COL3A1: variants seen among roughly 807,000 people sequenced by gnomAD.
COL3A1 encodes the protein collagen alpha-1(III) chain.
COL3A1 carries 46 observed loss-of-function variants against 200.9 expected under a neutral mutation model. The ratio of observed to expected loss-of-function variants is 0.23; its 90% CI spans 0.18 to 0.29. The LOEUF (loss-of-function observed/expected upper bound fraction) is 0.29. Among genes scored for constraint, COL3A1 ranks in the 10% least tolerant of loss-of-function variants. The pLI is 1.00. For synonymous variants in COL3A1, 650 were observed against 628.0 expected, an observed-to-expected ratio of 1.03 and a Z score of -0.52; for missense variants, 1,367 against 1,917.6, an observed-to-expected ratio of 0.71 and a Z score of 5.36.
intron 28 of COL3A1, 48 bp from the exon 29 acceptor site, chr2:188,998,626 T>C: frequency 6.4e-7 from 1 of 1,571,864 alleles, no homozygotes; most frequent in Non-Finnish European, 8.8e-7. Flanking sequence ...TATATTTACA[T>C]AAAATGCACT....
intron 25 of COL3A1, 24 bp from the exon 26 acceptor site, chr2:188,997,312 T>A (rs1688350198): frequency 6.2e-7 from 1 of 1,613,508 alleles, no homozygotes. Context: ...TTATTTCTAC[T>A]TCCCTAACTG....
Position 188,985,924 on chromosome 2 carries a change from T to G in COL3A1, c.447+146T>G. 2 of 677,788 alleles carry G rather than the reference T, an allele frequency of 3.0e-6. 1 individual carries two copies. The highest frequency in any genetic ancestry group is 8.1e-4 in the Middle Eastern group (2 of 2,464). The allele number at this position is 677,788 out of a possible 1,614,324, so 42.0% of individuals were successfully genotyped here. On this transcript the variant is annotated intron_variant, in intron 4 of 50. Coordinates refer to ENST00000304636, the MANE Select transcript of COL3A1 (RefSeq NM_000090.4). ...ATTTAATAAATCCTTATTTAGTGCT[T>G]CTATGTATTAGGCACTATTCTAAGT...
chr2:188,990,633 T>G (rs1688168227), intron 10 of COL3A1, among the ~76,000 whole-genome samples: 1 of 152,202 alleles, frequency 6.6e-6, no homozygotes, highest in Non-Finnish European at 1.5e-5. Context: ...ATTATGTTTT[T>G]TATTGACTTA....
intron 1 of COL3A1, among the ~76,000 whole-genome samples, chr2:188,982,732 G>A (rs1298048183): frequency 6.6e-6 from 1 of 151,818 alleles, no homozygotes; most frequent in Admixed American, 6.6e-5. Context: ...ATCTTGGGCT[G>A]AAACTAATCT....
chr2:188,992,830 A>C, intron 14 of COL3A1, 57 bp from the exon 15 acceptor site: 4 of 1,333,964 alleles, frequency 3.0e-6, no homozygotes, highest in Non-Finnish European at 4.3e-6. Context: ...ATTTACTAGT[A>C]TGTCAGCTTT....
chr2:188,998,143 T>C (rs1250799349), intron 27 of COL3A1, 123 bp from the exon 28 acceptor site: 2 of 845,956 alleles, frequency 2.4e-6, no homozygotes, highest in Non-Finnish European at 3.9e-6. Flanking sequence ...GCACAACGTT[T>C]CTACCCCTAC....
At chr2:188,992,022 A>C (rs2153502150) in intron 13 of COL3A1, among the ~76,000 whole-genome samples, 162 bp from the exon 14 acceptor site, 2 of 152,324 alleles carry the variant, frequency 1.3e-5, no homozygotes, top group South Asian at 4.1e-4. Context: ...TGCTGTATAT[A>C]TCAGAATTGT....
At chr2:189,009,880 AATC>A (rs1350296270) in intron 48 of COL3A1, among the ~76,000 whole-genome samples, 1 of 152,208 alleles carries the variant, frequency 6.6e-6, no homozygotes, top group African/African-American at 2.4e-5. Flanking sequence ...TACATATAAT[AATC>A]ATCTTTTTTT....
rs1688269574 is a variant in COL3A1, at chr2:188,994,873, T to G, written c.1455+42T>G. The G allele has an allele frequency of 6.2e-7, 1 of 1,604,894 alleles. No homozygotes were observed. The highest frequency in any genetic ancestry group is 8.5e-7 in the Non-Finnish European group (1 of 1,172,866). On this transcript the variant is annotated intron_variant, in intron 20 of 50. Transcript: ENST00000304636. The surrounding 1 kb of genome is among the most constrained non-coding windows in gnomAD (Gnocchi z 4.5). ...GCATCTAAAAGAAAAGCAGCATCAC[T>G]GTCATCTAAATAAAACTACCTTCAG...
Position 188,999,308 on chromosome 2 carries a change from A to T in COL3A1, c.2046A>T (p.Glu682Asp), listed in dbSNP as rs1465555550. Residue 682 changes from glutamate (E) to aspartate (D), a missense_variant, in exon 30 of 51, where the codon GAA (glutamate) becomes GAT (aspartate). Around this residue, in one of 5 missense-constraint regions of COL3A1, gnomAD observed 846 missense variants for 1,147.9 expected, o/e 0.74. Transcript: ENST00000304636. ...GGKGDAGAPGERGPPGLAGAP... is the reference protein window; with the variant it reads ...GGKGDAGAPGDRGPPGLAGAP... ...AGGGTGATGCTGGTGCCCCTGGTGAACGTGGACCTCCTGGATTGGCAGGGG... is the reference window on the plus strand; with the variant it reads ...AGGGTGATGCTGGTGCCCCTGGTGATCGTGGACCTCCTGGATTGGCAGGGG... 1 of 1,584,016 alleles carries T rather than the reference A, an allele frequency of 6.3e-7. No individual in the cohort carries two copies. Among genetic ancestry groups the T allele is most frequent in the Non-Finnish European group, 8.6e-7 (1 of 1,164,082 alleles).
intron 22 of COL3A1, 149 bp downstream of exon 22, chr2:188,995,939 G>A: frequency 1.1e-6 from 1 of 934,020 alleles, no homozygotes; most frequent in Non-Finnish European, 1.6e-6. Flanking sequence ...GTAAACTTAA[G>A]CCGAGATAGT....
intron 1 of COL3A1, among the ~76,000 whole-genome samples, chr2:188,974,893 G>A (rs966711489): frequency 6.6e-6 from 1 of 152,090 alleles, no homozygotes; most frequent in African/African-American, 2.4e-5. Flanking sequence ...TACTTCCCCA[G>A]GCAGTCTGGA....
Position 188,997,397 on chromosome 2 carries a change from C to A in COL3A1, c.1869+8C>A. On this transcript the variant is annotated splice_region_variant and intron_variant, in intron 26 of 50. Coordinates refer to ENST00000304636, the MANE Select transcript of COL3A1 (RefSeq NM_000090.4). The stretch of plus-strand genomic sequence containing the variant: ...GGACCCCCAGGGCCTACTGTAAGTT[C>A]ACTCATATAAAATTGGAGATGAAAA... 6.2e-7 allele frequency: 1 copy of A among 1,613,040 alleles called. No individual in the cohort carries two copies.
chr2:188,985,687 G>C lies in COL3A1; in HGVS notation c.356G>C (p.Arg119Thr), dbSNP rs773010747. Residue 119 changes from arginine (R) to threonine (T), a missense_variant, in exon 4 of 51, where the codon AGA becomes ACA. By Grantham distance (71) the Arg-to-Thr change is moderately conservative. Coordinates refer to ENST00000304636, the MANE Select transcript of COL3A1 (RefSeq NM_000090.4). ...GDPGPPGIPG[R>T]NGDPGIPGQP... Reference sequence around the variant, plus strand: ...TAGGGCCCTCCTGGTATTCCTGGGAGAAATGGTGACCCTGGTATTCCAGGA... The same window carrying C: ...TAGGGCCCTCCTGGTATTCCTGGGACAAATGGTGACCCTGGTATTCCAGGA... The C allele has an allele frequency of 6.2e-7, 1 of 1,610,422 alleles. No homozygotes were observed. Among genetic ancestry groups the C allele is most frequent in the East Asian group, 2.2e-5 (1 of 44,776 alleles).
Position 189,007,535 on chromosome 2 carries a change from A to G in COL3A1, c.3291A>G (p.Thr1097=), listed in dbSNP as rs1576472577. Residue 1097 remains threonine (T), a synonymous_variant, in exon 45 of 51, where the codon ACA becomes ACG. Transcript: ENST00000304636. ...PQGPRGDKGE[T]GERGAAGIKG... is the part of the protein sequence containing the mutation. ...GCCCACGTGGTGACAAAGGTGAAAC[A>G]GGTGAACGTGGAGCTGCTGGCATCA... 2 of 1,613,672 alleles carry G rather than the reference A, an allele frequency of 1.2e-6. No individual in the cohort carries two copies. Among genetic ancestry groups the G allele is most frequent in the Admixed American group, 1.7e-5 (1 of 59,976 alleles).
chr2:189,010,078 T>A, intron 48 of COL3A1, 100 bp from the exon 49 acceptor site: 1 of 1,096,994 alleles, frequency 9.1e-7, no homozygotes, highest in East Asian at 2.5e-5. Context: ...TGCAGACACA[T>A]TAGCAGTCAA....
chr2:188,996,789 G>A lies in COL3A1; in HGVS notation c.1761+293G>A, dbSNP rs375374739. Reference sequence around the variant, plus strand: ...AGATCACCTGAGGTCAGGAGTTCTAGGCCAGCCTTGCCAACATGGTGAAAC... The same window carrying A: ...AGATCACCTGAGGTCAGGAGTTCTAAGCCAGCCTTGCCAACATGGTGAAAC... On this transcript the variant is annotated intron_variant, in intron 24 of 50. Coordinates refer to ENST00000304636, the MANE Select transcript of COL3A1 (RefSeq NM_000090.4). Among the ~76,000 whole-genome samples, 17 of 152,250 alleles carry A rather than the reference G, an allele frequency of 1.1e-4. No homozygotes were observed. In the East Asian group the frequency reaches 3.1e-3, roughly 28 times the overall value.
intron 44 of COL3A1, among the ~76,000 whole-genome samples, 181 bp downstream of exon 44, chr2:189,007,171 ATAGATAG>A (rs1688612061): frequency 8.5e-6 from 1 of 117,934 alleles, no homozygotes; most frequent in Non-Finnish European, 1.7e-5. Context: ...TGATAGATAG[ATAGATAG>A]ATAGATAGAT....
chr2:189,003,957 T>A, intron 38 of COL3A1, 25 bp from the exon 39 acceptor site: 1 of 1,583,958 alleles, frequency 6.3e-7, no homozygotes, highest in South Asian at 1.1e-5. Flanking sequence ...TTATAAATAT[T>A]CAAATTTCAA....
Sources: allele counts gnomAD v4.1 joint callset (sites outside exome capture counted in the v4.1 genomes callset), GRCh38; gene constraint gnomAD v4.1.1; regional missense constraint gnomAD v4.1.1; non-coding constraint Gnocchi (gnomAD v3.1); transcripts MANE v1.5; gene names NCBI Gene and HGNC (gene_info 2026-07-23, HGNC 2026-07-21).